Variants in FIBCD1 observed in about 807,000 individuals in gnomAD.
FIBCD1 encodes the protein fibrinogen C domain containing 1.
In FIBCD1, 47 loss-of-function variants were observed where a neutral mutation model predicts 45.1. That is an observed-to-expected ratio of 1.04 (90% confidence interval 0.82 to 1.33). The LOEUF is 1.33. FIBCD1 is among the 40% of genes most tolerant of loss of function. The probability of loss-of-function intolerance (pLI) is 0.00; values close to 1 mark genes in which losing one functional copy is unlikely to be tolerated. For synonymous variants in FIBCD1, 313 were observed against 308.1 expected, an observed-to-expected ratio of 1.02 and a Z score of -0.17; for missense variants, 653 against 682.2, an observed-to-expected ratio of 0.96 and a Z score of 0.48.
intron 1 of FIBCD1, among the ~76,000 whole-genome samples, chr9:130,937,810 C>G (rs925314843): frequency 6.6e-6 from 1 of 152,178 alleles, no homozygotes; most frequent in Non-Finnish European, 1.5e-5. Context: ...CCCTCACCCG[C>G]TTCCACCGCA....
intron 1 of FIBCD1, chr9:130,930,782 C>A: frequency 2.2e-6 from 1 of 456,202 alleles, no homozygotes; most frequent in South Asian, 1.5e-5. Flanking sequence ...CCTCTCTGAG[C>A]CTCAGTTTCC....
At chr9:130,913,005 CAG>C (rs1235103277) in intron 4 of FIBCD1, among the ~76,000 whole-genome samples, 2 of 152,134 alleles carry the variant, frequency 1.3e-5, no homozygotes, top group African/African-American at 2.4e-5. Context: ...GGCGATGGCT[CAG>C]GGGAGGACGA....
At chr9:130,925,336 C>T (rs1004057204) in intron 2 of FIBCD1, among the ~76,000 whole-genome samples, 3 of 152,126 alleles carry the variant, frequency 2.0e-5, no homozygotes, top group East Asian at 1.9e-4. Context: ...TTCCCTAGGG[C>T]GGGCTGGCAG....
At chr9:130,913,753 C>A (rs1004477062) in intron 4 of FIBCD1, among the ~76,000 whole-genome samples, 1 of 152,190 alleles carries the variant, frequency 6.6e-6, no homozygotes, top group African/African-American at 2.4e-5. Context: ...GAAGCTCAGG[C>A]ACTCCCCTGA....
chr9:130,922,805 C>T lies in FIBCD1; in HGVS notation c.849+939G>A, dbSNP rs1336789253. Among the ~76,000 whole-genome samples, 4 of 152,144 alleles carry T rather than the reference C, an allele frequency of 2.6e-5. No homozygotes were observed. The highest frequency in any genetic ancestry group is 4.8e-5 in the African/African-American group (2 of 41,428). ...ATCTCATCACGCACCACAAATCCCT[C>T]GGGCCCTGCTCCTCAGATGTTCCCT... On this transcript the variant is annotated intron_variant, in intron 4 of 6. Transcript: ENST00000372338. The surrounding 1 kb of genome is among the most constrained non-coding windows in gnomAD (Gnocchi z 4.5).
In FIBCD1 at chr9:130,929,781, G is replaced by T. The variant is rs1274347071; in HGVS notation, c.338C>A (p.Ala113Asp). 6.4e-7 allele frequency: 1 copy of T among 1,555,622 alleles called. No homozygotes were observed. Among genetic ancestry groups the T allele is most frequent in the Non-Finnish European group, 8.7e-7 (1 of 1,149,930 alleles). ...DSFARLESAQ[A>D]SVLQALTEHQ... is the part of the protein sequence containing the mutation. Reference sequence around the variant, plus strand: ...CTCTGTCAGCGCCTGCAGCACCGAGGCCTGGGCGCTCTCCAGGCGTGCGAA... The same window carrying T: ...CTCTGTCAGCGCCTGCAGCACCGAGTCCTGGGCGCTCTCCAGGCGTGCGAA... Residue 113 changes from alanine to aspartate, a missense_variant, in exon 2 of 7, where the codon GCC (alanine) becomes GAC (aspartate). Ala to Asp is a moderately radical substitution (Grantham distance 126). Coordinates refer to ENST00000372338, the MANE Select transcript of FIBCD1 (RefSeq NM_032843.5).
rs1832281591 is a variant in FIBCD1 at position 130,922,648 on chromosome 9, C to T, written c.849+1096G>A. On this transcript the variant is annotated intron_variant, in intron 4 of 6. Transcript: ENST00000372338. The surrounding 1 kb of genome is among the most constrained non-coding windows in gnomAD (Gnocchi z 4.5). ...TCCTCCCCGTCCCTCTCCCCACTGC[C>T]CAAGGATGCACACCGCCAAGTCACC... 6.6e-6 allele frequency among the ~76,000 whole-genome samples: 1 copy of T among 152,180 alleles called. No homozygotes were observed. The highest frequency in any genetic ancestry group is 1.9e-4 in the East Asian group (1 of 5,178).
chr9:130,916,512 G>A (rs1437892079), intron 4 of FIBCD1, among the ~76,000 whole-genome samples: 1 of 152,238 alleles, frequency 6.6e-6, no homozygotes, highest in Admixed American at 6.5e-5. Flanking sequence ...TGCCGAGCAC[G>A]GCCCAGATCG....
At chr9:130,932,587 C>T (rs1177412025) in intron 1 of FIBCD1, among the ~76,000 whole-genome samples, 1 of 152,192 alleles carries the variant, frequency 6.6e-6, no homozygotes, top group Admixed American at 6.5e-5. Flanking sequence ...AATGTATTCT[C>T]TTCTTTCAGG....
Position 130,923,784 on chromosome 9 carries a change from T to G in FIBCD1, c.809A>C (p.Gln270Pro). The change falls in exon 4 of 7, where the codon CAG (glutamine) becomes CCG (proline). Residue 270 changes from glutamine to proline, a missense_variant. Physicochemically the swap from Gln to Pro is moderately conservative, Grantham distance 76. Transcript: ENST00000372338. ...GTCCGTGCGCATGTCACAGTACACC[T>G]GGAAGCCGGCCGGGTAGTGGGTGGG... is the stretch of plus-strand genomic sequence containing the variant. The part of the protein sequence containing the change: ...VFPTHYPAGF[Q>P]VYCDMRTDGG... 6.2e-7 allele frequency: 1 copy of G among 1,612,786 alleles called. No individual in the cohort carries two copies.
intron 4 of FIBCD1, among the ~76,000 whole-genome samples, chr9:130,916,814 G>A (rs1005398870): frequency 2.6e-5 from 4 of 152,208 alleles, no homozygotes; most frequent in African/African-American, 9.6e-5. Context: ...AAGGGGTGGG[G>A]AGTCTGGGCG....
In FIBCD1 at chr9:130,922,870, TCTC is replaced by T. The variant is rs1564338358; in HGVS notation, c.849+871_849+873del. Among the ~76,000 whole-genome samples the T allele has an allele frequency of 6.6e-6, 1 of 151,994 alleles. No individual in the cohort carries two copies. Among genetic ancestry groups the T allele is most frequent in the African/African-American group, 2.4e-5 (1 of 41,382 alleles). On this transcript the variant is annotated intron_variant, in intron 4 of 6. Transcript: ENST00000372338. This position sits in a 1 kb window ranked among gnomAD's most constrained non-coding sequence, Gnocchi z 4.5. ...GTTGCCCCCTCCTCCTGGAATACCTTCTCCTTCCTGCCCGCACTCAGAAATCCT... is the reference window on the plus strand; with the variant it reads ...GTTGCCCCCTCCTCCTGGAATACCTTCTTCCTGCCCGCACTCAGAAATCCT...
At chr9:130,923,664 C>T in intron 4 of FIBCD1, 80 bp downstream of exon 4, 1 of 1,552,968 alleles carries the variant, frequency 6.4e-7, no homozygotes, top group Non-Finnish European at 8.7e-7. Context: ...TAGGAAGCTG[C>T]TCGGAATGCC....
rs140702473 is a variant in FIBCD1, at chr9:130,913,298, C to T, written c.850-1410G>A. ...CTGCTTTATTCTCCGAGGCAGCGCCCGCGGCCCGGCCGGCCTCCATCTGTG... is the reference window on the plus strand; with the variant it reads ...CTGCTTTATTCTCCGAGGCAGCGCCTGCGGCCCGGCCGGCCTCCATCTGTG... On this transcript the variant is annotated intron_variant, in intron 4 of 6. Transcript: ENST00000372338. 1.1e-3 allele frequency among the ~76,000 whole-genome samples: 170 copies of T among 149,222 alleles called. 1 individual carries two copies. The highest frequency in any genetic ancestry group is 3.7e-3 in the African/African-American group (145 of 39,388).
rs376891906 is a variant in FIBCD1, at chr9:130,903,956, G to A, written c.*108C>T. On this transcript the variant is annotated 3_prime_UTR_variant, in exon 7 of 7. Transcript: ENST00000372338. ...GATGGCCCGGCCCCTCCCTACTGGA[G>A]AGTGGGTCCGCCAGGCACAGGTGGG... The A allele has an allele frequency of 6.9e-7, 1 of 1,450,784 alleles. No homozygotes were observed. The highest frequency in any genetic ancestry group is 9.5e-7 in the Non-Finnish European group (1 of 1,056,300). 89.9% of individuals were successfully genotyped at this position (1,450,784 alleles called of 1,614,324 possible). A position where few individuals can be genotyped will look rare whatever the true frequency, so the allele number is the denominator to read the frequency against.
At chr9:130,933,247 C>G (rs572227106) in intron 1 of FIBCD1, among the ~76,000 whole-genome samples, 1 of 152,208 alleles carries the variant, frequency 6.6e-6, no homozygotes, top group East Asian at 1.9e-4. Flanking sequence ...ACGTGCCTTG[C>G]GAAGAAATCT....
intron 1 of FIBCD1, among the ~76,000 whole-genome samples, chr9:130,932,229 A>C (rs762687951): frequency 1.1e-4 from 17 of 152,168 alleles, no homozygotes; most frequent in Non-Finnish European, 2.1e-4. Context: ...CATTTTTGTA[A>C]ATTCAAATTC....
intron 2 of FIBCD1, 77 bp from the exon 3 acceptor site, chr9:130,924,473 C>A: frequency 7.4e-7 from 1 of 1,359,700 alleles, no homozygotes; most frequent in African/African-American, 1.4e-5. Context: ...AGGTCACTGG[C>A]CAGAGTGGGC....
chr9:130,932,734 C>G (rs141306609), intron 1 of FIBCD1, among the ~76,000 whole-genome samples: 1 of 152,310 alleles, frequency 6.6e-6, no homozygotes, highest in East Asian at 1.9e-4. Flanking sequence ...CCTTTGACTT[C>G]TTTTACTCAC....
Sources: allele counts gnomAD v4.1 joint callset (sites outside exome capture counted in the v4.1 genomes callset), GRCh38; gene constraint gnomAD v4.1.1; non-coding constraint Gnocchi (gnomAD v3.1); transcripts MANE v1.5; gene names NCBI Gene and HGNC (gene_info 2026-07-23, HGNC 2026-07-21).